The following SH3BGRL variants were observed in gnomAD, a reference collection of about 807,000 sequenced individuals.
SH3BGRL encodes adapter SH3BGRL.
SH3BGRL carries 7 observed loss-of-function variants against 9.8 expected under a neutral mutation model. That is an observed-to-expected ratio of 0.72 (90% CI 0.41 to 1.35). SH3BGRL has a LOEUF of 1.35. Ranked by LOEUF, SH3BGRL falls within the 40% of genes most tolerant of loss-of-function variation. SH3BGRL has a pLI of 0.01. For missense variants in SH3BGRL, 73 were observed against 84.4 expected (o/e 0.86, Z 0.53); for synonymous variants, 36 against 29.1 (o/e 1.24, Z -0.76).
intron 1 of SH3BGRL, among the ~76,000 whole-genome samples, chrX:81,265,910 G>A (rs1409300112): frequency 1.8e-5 from 2 of 110,174 alleles, no homozygotes; most frequent in Non-Finnish European, 3.8e-5. Context: ...TCTAACTGGC[G>A]ATCTCGTGGT....
At chrX:81,285,713 C>T (rs746381800) in intron 3 of SH3BGRL, among the ~76,000 whole-genome samples, 6 of 111,517 alleles carry the variant, frequency 5.4e-5, no homozygotes, top group South Asian at 3.7e-4. Context: ...AAGTATCTAA[C>T]GATAGCGTCA....
chrX:81,220,432 A>G (rs2075596703), intron 1 of SH3BGRL, among the ~76,000 whole-genome samples: 1 of 111,169 alleles, frequency 9.0e-6, no homozygotes, highest in South Asian at 3.7e-4. Context: ...GCCTCTAATG[A>G]TCTTTTCAAT....
chrX:81,215,449 A>C (rs1322237364), intron 1 of SH3BGRL, among the ~76,000 whole-genome samples: 1 of 110,957 alleles, frequency 9.0e-6, no homozygotes, highest in African/African-American at 3.3e-5. Flanking sequence ...ACTGGACTAA[A>C]CTCTGGACCC....
chrX:81,237,071 A>AAAGTC, intron 1 of SH3BGRL: 4 of 909,917 alleles, frequency 4.4e-6, no homozygotes, highest in Non-Finnish European at 4.2e-6. Context: ...TAGTGAGAGA[A>AAAGTC]AAGTCAAGTA....
rs747200527 is a variant in SH3BGRL at position 81,251,419 on chromosome X, GT to G, written c.46-25555del. Among the ~76,000 whole-genome samples, 1,010 of 103,479 alleles carry G rather than the reference GT, an allele frequency of 9.8e-3. 7 individuals are homozygous for G. Among genetic ancestry groups the G allele is most frequent in the Middle Eastern group, 0.025 (5 of 204 alleles). The allele number at this position is 103,479 out of a possible 115,157, so 89.9% of individuals were successfully genotyped here. A position where few individuals can be genotyped will look rare whatever the true frequency, so the allele number is the denominator to read the frequency against. On this transcript the variant is annotated intron_variant, in intron 1 of 3. Transcript: ENST00000373212. The stretch of plus-strand genomic sequence containing the variant: ...TTTCCTAATTGTTTAACAAATTACT[GT>G]TTTTTTTTTATTTATGACTTAATTC...
At chrX:81,227,760 T>G in intron 1 of SH3BGRL, among the ~76,000 whole-genome samples, 1 of 112,244 alleles carries the variant, frequency 8.9e-6, no homozygotes, top group Non-Finnish European at 1.9e-5. Context: ...TTTATAATTC[T>G]TGTAAGCCGA....
chrX:81,211,670 T>G (rs1455289025), intron 1 of SH3BGRL, among the ~76,000 whole-genome samples: 1 of 110,800 alleles, frequency 9.0e-6, no homozygotes, highest in Non-Finnish European at 1.9e-5. Flanking sequence ...CCAGCAAATA[T>G]AAAGCAGGTA....
At chrX:81,269,574 G>C (rs1262446595) in intron 1 of SH3BGRL, among the ~76,000 whole-genome samples, 1 of 111,871 alleles carries the variant, frequency 8.9e-6, no homozygotes, top group Non-Finnish European at 1.9e-5. Flanking sequence ...TAGGGTTTCT[G>C]CTGAGAGATC....
intron 1 of SH3BGRL, among the ~76,000 whole-genome samples, chrX:81,263,476 GT>G (rs1220748100): frequency 8.9e-6 from 1 of 111,950 alleles, no homozygotes; most frequent in Non-Finnish European, 1.9e-5. Context: ...ACAAGACTAT[GT>G]GGGGACGATT....
At chrX:81,253,061 A>G (rs181682282) in intron 1 of SH3BGRL, among the ~76,000 whole-genome samples, 70 of 112,263 alleles carry the variant, frequency 6.2e-4, no homozygotes, top group Middle Eastern at 4.6e-3. Flanking sequence ...TGATTCTCTG[A>G]ATCAGGATCA....
chrX:81,209,005 T>TTTTTTG (rs1427278434), intron 1 of SH3BGRL, among the ~76,000 whole-genome samples: 4 of 93,020 alleles, frequency 4.3e-5, no homozygotes, highest in African/African-American at 1.6e-4. Flanking sequence ...TAACTAAGTT[T>TTTTTTG]TTTTTTTTTT....
In SH3BGRL at chrX:81,249,184, A is replaced by T. The variant is rs1424648776; in HGVS notation, c.46-27800A>T. Among the ~76,000 whole-genome samples, 13 of 112,663 alleles carry T rather than the reference A, an allele frequency of 1.2e-4. No individual in the cohort carries two copies. In the Admixed American group the frequency reaches 1.2e-3, roughly 11 times the overall value. Reference sequence around the variant, plus strand: ...TTGCTCTTCCTCTGACACCTAGAACAAGTGTCAAGAAAAGTCTCAGCTCAA... The same window carrying T: ...TTGCTCTTCCTCTGACACCTAGAACTAGTGTCAAGAAAAGTCTCAGCTCAA... On this transcript the variant is annotated intron_variant, in intron 1 of 3. Coordinates refer to ENST00000373212, the MANE Select transcript of SH3BGRL (RefSeq NM_003022.3).
At chrX:81,216,614 T>C (rs187893448) in intron 1 of SH3BGRL, among the ~76,000 whole-genome samples, 4 of 111,369 alleles carry the variant, frequency 3.6e-5, no homozygotes, top group African/African-American at 1.3e-4. Flanking sequence ...CCCAGTCTCT[T>C]ATAATCATGG....
chrX:81,219,361 G>C (rs1239732374), intron 1 of SH3BGRL, among the ~76,000 whole-genome samples: 1 of 110,599 alleles, frequency 9.0e-6, no homozygotes, highest in East Asian at 2.9e-4. Context: ...TCCCTGTGTA[G>C]TTTATTATGT....
chrX:81,295,324 T>A (rs1312569152), intron 3 of SH3BGRL, among the ~76,000 whole-genome samples: 1 of 111,767 alleles, frequency 8.9e-6, no homozygotes, highest in African/African-American at 3.3e-5. Flanking sequence ...ATTTGAATCA[T>A]GAAGGCAGTT....
chrX:81,232,142 T>C (rs1292298518), intron 1 of SH3BGRL, among the ~76,000 whole-genome samples: 1 of 111,247 alleles, frequency 9.0e-6, no homozygotes, highest in Non-Finnish European at 1.9e-5. Context: ...AACTGTTCTA[T>C]AGCTATATTT....
chrX:81,219,888 G>A (rs1238673705), intron 1 of SH3BGRL, among the ~76,000 whole-genome samples: 4 of 111,424 alleles, frequency 3.6e-5, no homozygotes, highest in African/African-American at 1.3e-4. Flanking sequence ...TATGGTTTTT[G>A]TCCTTCATTC....
intron 3 of SH3BGRL, among the ~76,000 whole-genome samples, chrX:81,296,799 G>A (rs1291767940): frequency 9.0e-6 from 1 of 111,263 alleles, no homozygotes; most frequent in African/African-American, 3.3e-5. Context: ...TTAATGGATA[G>A]CACATTTTCT....
At position 81,277,023 on chromosome X, in the gene SH3BGRL, G is replaced by A; in HGVS notation, c.85G>A (p.Ala29Thr). ...KQQDVLGFLE[A>T]NKIGFEEKDI... ...ACAAGATGTGCTTGGTTTCCTAGAA[G>A]CCAACAAAATAGGATTTGAAGAAAA... The change falls in exon 2 of 4, where the codon GCC becomes ACC. Residue 29 changes from alanine to threonine, a missense_variant. Transcript: ENST00000373212. 1 of 1,208,859 alleles carries A rather than the reference G, an allele frequency of 8.3e-7. No individual in the cohort carries two copies. Among genetic ancestry groups the A allele is most frequent in the South Asian group, 1.8e-5 (1 of 56,559 alleles).
Sources: gnomAD v4.1 joint callset for allele counts (sites outside exome capture counted in the v4.1 genomes callset) on GRCh38, gnomAD v4.1.1 for gene constraint, MANE v1.5 for transcripts, NCBI Gene and HGNC (gene_info 2026-07-23, HGNC 2026-07-21) for gene names.